Variants in COPG2 observed in about 807,000 individuals in gnomAD.
The protein encoded by COPG2 is coat protein complex I subunit gamma 2, also known as coatomer subunit gamma-2.
Under a neutral mutation model 46.3 loss-of-function variants are expected in COPG2, and 37 were observed. The ratio of observed to expected loss-of-function variants is 0.80; its 90% CI spans 0.61 to 1.05. The LOEUF (loss-of-function observed/expected upper bound fraction) is 1.05, where lower values mean the gene tolerates loss of function less well. Among genes scored for constraint, COPG2 ranks in the 50% least tolerant of loss-of-function variants. COPG2 has a pLI of 0.00. For missense variants in COPG2, 427 were observed against 387.8 expected, an observed-to-expected ratio of 1.10 and a Z score of -0.85; for synonymous variants, 159 against 129.7, an observed-to-expected ratio of 1.23 and a Z score of -1.53.
intron 20 of COPG2, among the ~76,000 whole-genome samples, chr7:130,545,781 T>C (rs1793433310): frequency 6.6e-6 from 1 of 152,100 alleles, no homozygotes; most frequent in Admixed American, 6.5e-5. Context: ...CTGGGCTAAT[T>C]TGTAAGATCT....
intron 20 of COPG2, among the ~76,000 whole-genome samples, chr7:130,523,510 C>T (rs1401118332): frequency 3.3e-5 from 5 of 152,104 alleles, no homozygotes; most frequent in Non-Finnish European, 5.9e-5. Flanking sequence ...GGAAGACGCA[C>T]GTGCAGTGGG....
rs1394614598 is a variant in COPG2 at position 130,582,433 on chromosome 7, A to G, written c.738-18040T>C. Among the ~76,000 whole-genome samples, 15 of 151,476 alleles carry G rather than the reference A, an allele frequency of 9.9e-5. 1 individual carries two copies. The highest frequency in any genetic ancestry group is 2.1e-4 in the Non-Finnish European group (14 of 67,658). ...AGGCATTACCATTCAGGACATAGGCATGGGCAAGGATTTCATGTCCAAAAC... is the reference window on the plus strand; with the variant it reads ...AGGCATTACCATTCAGGACATAGGCGTGGGCAAGGATTTCATGTCCAAAAC... On this transcript the variant is annotated intron_variant, in intron 9 of 23. Coordinates refer to ENST00000425248, the MANE Select transcript of COPG2 (RefSeq NM_012133.6).
At chr7:130,507,171 A>G (rs1554440264) in intron 23 of COPG2, 103 bp downstream of exon 23, 1 of 725,622 alleles carries the variant, frequency 1.4e-6, no homozygotes, top group Non-Finnish European at 2.6e-6. Context: ...TGTTACTCAT[A>G]TAATGGGATG....
chr7:130,536,770 G>A (rs1012776642), intron 20 of COPG2, among the ~76,000 whole-genome samples: 14 of 152,228 alleles, frequency 9.2e-5, no homozygotes, highest in Admixed American at 9.2e-4. Flanking sequence ...CGGGACCATG[G>A]TGGTGGAGCT....
intron 4 of COPG2, 121 bp downstream of exon 4, chr7:130,662,846 A>T: frequency 1.5e-6 from 1 of 662,554 alleles, no homozygotes. Context: ...TAAGTTTTAT[A>T]AGCAGTTAAA....
At chr7:130,632,646 CTCTCT>C (rs1795253721) in intron 5 of COPG2, among the ~76,000 whole-genome samples, 1 of 152,118 alleles carries the variant, frequency 6.6e-6, no homozygotes, top group South Asian at 2.1e-4. Context: ...TTTTTTCTCT[CTCTCT>C]TTTCAGTTGG....
chr7:130,578,910 T>C (rs1202036096), intron 9 of COPG2, among the ~76,000 whole-genome samples: 2 of 148,936 alleles, frequency 1.3e-5, no homozygotes, highest in African/African-American at 2.5e-5. Flanking sequence ...TGGAACCAAG[T>C]TGGAAAACAC....
intron 20 of COPG2, among the ~76,000 whole-genome samples, chr7:130,510,657 C>T (rs1362182684): frequency 3.3e-5 from 5 of 151,974 alleles, no homozygotes; most frequent in African/African-American, 1.2e-4. Flanking sequence ...GGACCTGATA[C>T]AGAGAAAGAG....
At chr7:130,595,885 T>C (rs782071899) in intron 9 of COPG2, among the ~76,000 whole-genome samples, 35 of 152,150 alleles carry the variant, frequency 2.3e-4, no homozygotes, top group Non-Finnish European at 4.1e-4. Context: ...CCACCAGCAG[T>C]TGGTAAGTCC....
chr7:130,608,014 T>G (rs1195923152), intron 9 of COPG2, among the ~76,000 whole-genome samples: 1 of 152,210 alleles, frequency 6.6e-6, no homozygotes, highest in Non-Finnish European at 1.5e-5. Flanking sequence ...TGCAGGAGGA[T>G]TAAGCTGGCC....
At chr7:130,536,423 G>A (rs1799879878) in intron 20 of COPG2, among the ~76,000 whole-genome samples, 1 of 152,144 alleles carries the variant, frequency 6.6e-6, no homozygotes, top group Non-Finnish European at 1.5e-5. Context: ...CCCCAGGCAG[G>A]CCTATCCAAT....
chr7:130,662,234 C>A (rs1232924177), intron 4 of COPG2, among the ~76,000 whole-genome samples: 1 of 152,192 alleles, frequency 6.6e-6, no homozygotes, highest in Non-Finnish European at 1.5e-5. Context: ...TGAAGATCTA[C>A]TCCTAAAACC....
chr7:130,609,263 T>TTA (rs1794793941), intron 9 of COPG2, among the ~76,000 whole-genome samples: 2 of 152,160 alleles, frequency 1.3e-5, no homozygotes. Flanking sequence ...AATTTCCATG[T>TTA]GTTATGGGAG....
intron 4 of COPG2, among the ~76,000 whole-genome samples, chr7:130,654,261 T>C (rs1434812888): frequency 5.3e-5 from 8 of 152,218 alleles, no homozygotes; most frequent in African/African-American, 1.7e-4. Context: ...ATTTTAAATG[T>C]GTAGCCAAGG....
At chr7:130,543,840 T>C (rs1793383025) in intron 20 of COPG2, among the ~76,000 whole-genome samples, 1 of 152,038 alleles carries the variant, frequency 6.6e-6, no homozygotes, top group African/African-American at 2.4e-5. Context: ...TTGAAGATGA[T>C]GGGGTAGAAA....
At chr7:130,610,858 G>T in intron 9 of COPG2, 95 bp downstream of exon 9, 1 of 1,200,710 alleles carries the variant, frequency 8.3e-7, no homozygotes, top group Non-Finnish European at 1.2e-6. Flanking sequence ...TGTAAAGTTA[G>T]CACTGCCCCA....
At chr7:130,627,669 C>T (rs1207477495) in intron 5 of COPG2, among the ~76,000 whole-genome samples, 1 of 151,196 alleles carries the variant, frequency 6.6e-6, no homozygotes, top group African/African-American at 2.4e-5. Flanking sequence ...TTTAATCTTT[C>T]TAGTTGTTGT....
intron 14 of COPG2, among the ~76,000 whole-genome samples, chr7:130,554,032 C>A (rs914718188): frequency 0.013 from 1,960 of 152,178 alleles, 49 homozygotes; most frequent in African/African-American, 0.044. Flanking sequence ...CAGCTAATAA[C>A]GGCTACTTCA....
intron 9 of COPG2, among the ~76,000 whole-genome samples, chr7:130,576,800 A>C (rs1210152462): frequency 1.3e-5 from 2 of 152,218 alleles, no homozygotes; most frequent in Non-Finnish European, 2.9e-5. Context: ...AAACAAACAA[A>C]AAAATACCAA....
Sources: allele counts gnomAD v4.1 joint callset (sites outside exome capture counted in the v4.1 genomes callset), GRCh38; gene constraint gnomAD v4.1.1; transcripts MANE v1.5; gene names NCBI Gene and HGNC (gene_info 2026-07-23, HGNC 2026-07-21).